BNC2: variants seen among roughly 807,000 people sequenced by gnomAD.
BNC2 encodes zinc finger protein basonuclin-2.
In BNC2, 20 loss-of-function variants were observed where a neutral mutation model predicts 76.3. That is an observed-to-expected ratio of 0.26 (90% CI 0.18 to 0.38). The LOEUF (loss-of-function observed/expected upper bound fraction) is 0.38. BNC2 is among the 10% of genes least tolerant of loss of function. The probability of loss-of-function intolerance (pLI) is 1.00; values close to 1 mark genes in which losing one functional copy is unlikely to be tolerated. For missense variants in BNC2, 1,382 were observed against 1,399.8 expected (o/e 0.99, Z 0.20); for synonymous variants, 582 against 514.8 (o/e 1.13, Z -1.77).
chr9:16,513,005 C>G (rs184653581), intron 5 of BNC2, among the ~76,000 whole-genome samples: 1,606 of 151,996 alleles, frequency 0.011, 26 homozygotes, highest in African/African-American at 0.037. Flanking sequence ...TATTTTGGCG[C>G]ATGTTTGTAA....
At chr9:16,477,406 A>C (rs538332442) in intron 5 of BNC2, among the ~76,000 whole-genome samples, 2 of 152,352 alleles carry the variant, frequency 1.3e-5, no homozygotes, top group South Asian at 4.1e-4. Context: ...TTTTCTTAAC[A>C]AATCAAGATT....
chr9:16,673,647 A>T (rs916709436), intron 3 of BNC2, among the ~76,000 whole-genome samples: 3 of 152,246 alleles, frequency 2.0e-5, no homozygotes, highest in Non-Finnish European at 4.4e-5. Context: ...AGGTTTATAC[A>T]GAATAGATTA....
chr9:16,508,725 ACTAT>A (rs1822687406), intron 5 of BNC2, among the ~76,000 whole-genome samples: 2 of 151,922 alleles, frequency 1.3e-5, no homozygotes, highest in Admixed American at 6.6e-5. Flanking sequence ...TAATTTTTCA[ACTAT>A]CTGCTTTTCT....
chr9:16,583,832 C>T (rs560925955), intron 3 of BNC2, among the ~76,000 whole-genome samples: 1 of 152,064 alleles, frequency 6.6e-6, no homozygotes, highest in Admixed American at 6.5e-5. Flanking sequence ...GAACAGTACA[C>T]CTGTATTGCA....
intron 3 of BNC2, among the ~76,000 whole-genome samples, chr9:16,618,280 C>G (rs920051417): frequency 4.6e-5 from 7 of 152,178 alleles, no homozygotes; most frequent in Non-Finnish European, 1.0e-4. Flanking sequence ...TTTAACACCT[C>G]TTCTCTCTAC....
intron 1 of BNC2, among the ~76,000 whole-genome samples, chr9:16,806,576 C>T (rs981708646): frequency 6.6e-6 from 1 of 152,086 alleles, no homozygotes; most frequent in Non-Finnish European, 1.5e-5. Context: ...ATTACCCAGG[C>T]AAAGTTGTAT....
intron 3 of BNC2, among the ~76,000 whole-genome samples, chr9:16,592,723 C>A (rs966312082): frequency 6.6e-6 from 1 of 152,064 alleles, no homozygotes; most frequent in Non-Finnish European, 1.5e-5. Context: ...ATCCCACTGC[C>A]CCACCTACTT....
intron 3 of BNC2, among the ~76,000 whole-genome samples, chr9:16,676,661 C>A (rs1822652200): frequency 6.6e-6 from 1 of 152,142 alleles, no homozygotes; most frequent in South Asian, 2.1e-4. Context: ...ACATATAGAA[C>A]CTGAGACACA....
intron 1 of BNC2, among the ~76,000 whole-genome samples, chr9:16,865,264 G>T (rs1257168539): frequency 6.6e-6 from 1 of 151,806 alleles, no homozygotes; most frequent in Non-Finnish European, 1.5e-5. Context: ...TATTCCCACT[G>T]GTAAGATACA....
intron 4 of BNC2, among the ~76,000 whole-genome samples, chr9:16,571,847 T>A (rs747893371): frequency 1.3e-5 from 2 of 152,054 alleles, no homozygotes; most frequent in Non-Finnish European, 1.5e-5. Flanking sequence ...AAGAACATAA[T>A]AAAATATGAA....
intron 1 of BNC2, among the ~76,000 whole-genome samples, chr9:16,866,953 C>T (rs1299402054): frequency 6.6e-6 from 1 of 152,120 alleles, no homozygotes; most frequent in African/African-American, 2.4e-5. Flanking sequence ...GTAAATGAGA[C>T]CATCTGCTGA....
chr9:16,549,419 G>A (rs1818591105), intron 5 of BNC2, among the ~76,000 whole-genome samples: 1 of 152,166 alleles, frequency 6.6e-6, no homozygotes. Context: ...GTTGTTGAGA[G>A]CAATAATGCT....
At chr9:16,596,182 CA>C (rs1436979228) in intron 3 of BNC2, among the ~76,000 whole-genome samples, 2 of 152,076 alleles carry the variant, frequency 1.3e-5, no homozygotes, top group Non-Finnish European at 2.9e-5. Context: ...TAAGGTTTAT[CA>C]GCTACAAATT....
chr9:16,613,374 A>G (rs1326392504), intron 3 of BNC2, among the ~76,000 whole-genome samples: 1 of 152,212 alleles, frequency 6.6e-6, no homozygotes, highest in Non-Finnish European at 1.5e-5. Flanking sequence ...TGCAACCCAG[A>G]AAAATGTTGC....
intron 5 of BNC2, among the ~76,000 whole-genome samples, chr9:16,518,449 A>C (rs1448850499): frequency 6.6e-6 from 1 of 152,084 alleles, no homozygotes; most frequent in Non-Finnish European, 1.5e-5. Context: ...TAATAAAATA[A>C]AAATAGAAAA....
intron 1 of BNC2, among the ~76,000 whole-genome samples, chr9:16,771,083 C>A (rs980051727): frequency 6.6e-6 from 1 of 152,124 alleles, no homozygotes; most frequent in African/African-American, 2.4e-5. Flanking sequence ...GCACAAGAAT[C>A]GCTTGAACCC....
chr9:16,425,580 G>C (rs1820788750), intron 6 of BNC2, among the ~76,000 whole-genome samples: 1 of 152,174 alleles, frequency 6.6e-6, no homozygotes, highest in Non-Finnish European at 1.5e-5. Flanking sequence ...ACTTTGACGT[G>C]AACGAAATCA....
intron 3 of BNC2, among the ~76,000 whole-genome samples, chr9:16,654,646 T>C (rs983070704): frequency 2.6e-5 from 4 of 152,286 alleles, no homozygotes; most frequent in Non-Finnish European, 4.4e-5. Context: ...TATTAACATA[T>C]AGGTTGCTCA....
chr9:16,691,436 C>T (rs1823159039), intron 3 of BNC2, among the ~76,000 whole-genome samples: 2 of 151,566 alleles, frequency 1.3e-5, no homozygotes, highest in South Asian at 4.1e-4. Flanking sequence ...CTTGCTTTAC[C>T]TGGGTTTTAG....
Sources: allele counts gnomAD v4.1 joint callset (sites outside exome capture counted in the v4.1 genomes callset), GRCh38; gene constraint gnomAD v4.1.1; transcripts MANE v1.5; gene names NCBI Gene and HGNC (gene_info 2026-07-23, HGNC 2026-07-21).